The following CDH12 variants were observed in gnomAD, a reference collection of about 807,000 sequenced individuals.
CDH12 encodes the protein cadherin 12.
Under a neutral mutation model 74.1 loss-of-function variants are expected in CDH12, and 41 were observed. That is an observed-to-expected ratio of 0.55 (90% CI 0.43 to 0.72). CDH12 has a LOEUF of 0.72. CDH12 is among the 30% of genes least tolerant of loss of function. CDH12 has a pLI of 0.00. For missense variants in CDH12, 945 were observed against 977.2 expected (o/e 0.97, Z 0.44); for synonymous variants, 399 against 355.0 (o/e 1.12, Z -1.39).
At chr5:21,800,527 C>T (rs1747051805) in intron 10 of CDH12, among the ~76,000 whole-genome samples, 1 of 152,068 alleles carries the variant, frequency 6.6e-6, no homozygotes, top group Non-Finnish European at 1.5e-5. Flanking sequence ...TTCTCTTTCT[C>T]CAGTGTCTGG....
chr5:22,382,800 G>A (rs1741824961), intron 3 of CDH12, among the ~76,000 whole-genome samples: 1 of 149,468 alleles, frequency 6.7e-6, no homozygotes, highest in Admixed American at 6.9e-5. Context: ...AATCGACCTT[G>A]GACTAAATTT....
intron 5 of CDH12, among the ~76,000 whole-genome samples, chr5:22,029,499 A>G (rs1176426947): frequency 2.5e-4 from 38 of 150,714 alleles, no homozygotes; most frequent in Admixed American, 8.6e-4. Flanking sequence ...GCAGCCAAAA[A>G]ACACATGAAA....
chr5:22,317,940 A>G (rs1283684317), intron 3 of CDH12, among the ~76,000 whole-genome samples: 1 of 152,206 alleles, frequency 6.6e-6, no homozygotes, highest in East Asian at 1.9e-4. Context: ...TTAGATAATA[A>G]GTCCCATAAT....
intron 5 of CDH12, among the ~76,000 whole-genome samples, chr5:21,978,593 T>G: frequency 6.6e-6 from 1 of 152,138 alleles, no homozygotes; most frequent in Non-Finnish European, 1.5e-5. Flanking sequence ...AATAAATGAG[T>G]CAAGATTTTT....
At chr5:22,654,851 G>A (rs1241805106) in intron 1 of CDH12, among the ~76,000 whole-genome samples, 4 of 151,102 alleles carry the variant, frequency 2.6e-5, no homozygotes, top group African/African-American at 7.3e-5. Flanking sequence ...GGCTGGTCTC[G>A]AACTCCCGAC....
chr5:22,217,517 T>A (rs1217686976), intron 3 of CDH12, among the ~76,000 whole-genome samples: 3 of 151,776 alleles, frequency 2.0e-5, no homozygotes, highest in Non-Finnish European at 4.4e-5. Context: ...TTTGTAGACA[T>A]AATTGCTTTG....
At chr5:22,582,154 T>C (rs574072191) in intron 1 of CDH12, among the ~76,000 whole-genome samples, 1 of 152,324 alleles carries the variant, frequency 6.6e-6, no homozygotes, top group African/African-American at 2.4e-5. Flanking sequence ...CAAAGAATAC[T>C]TATGCCCTCA....
At chr5:22,255,961 A>C (rs1279570765) in intron 3 of CDH12, among the ~76,000 whole-genome samples, 1 of 151,992 alleles carries the variant, frequency 6.6e-6, no homozygotes, top group South Asian at 2.1e-4. Context: ...CCTTTATTCT[A>C]TTTTGCAGTA....
At chr5:22,273,594 G>T (rs111583218) in intron 3 of CDH12, among the ~76,000 whole-genome samples, 1,996 of 152,238 alleles carry the variant, frequency 0.013, 28 homozygotes, top group Middle Eastern at 0.02. Flanking sequence ...TGATTGATGA[G>T]AACTCTCAGC....
chr5:22,481,578 G>A (rs114285751), intron 2 of CDH12, among the ~76,000 whole-genome samples: 1,865 of 152,298 alleles, frequency 0.012, 28 homozygotes, highest in African/African-American at 0.042. Flanking sequence ...GAAGGACATT[G>A]TTAAGAGAAA....
chr5:22,148,111 C>G (rs373873788), intron 4 of CDH12, among the ~76,000 whole-genome samples: 1 of 152,150 alleles, frequency 6.6e-6, no homozygotes, highest in Non-Finnish European at 1.5e-5. Context: ...CTTTTCTTCA[C>G]GACCACCTAC....
intron 3 of CDH12, among the ~76,000 whole-genome samples, chr5:22,276,043 T>C (rs1391588299): frequency 6.6e-6 from 1 of 152,196 alleles, no homozygotes; most frequent in Admixed American, 6.5e-5. Flanking sequence ...ACCAAATCAA[T>C]TTCTTTTATT....
intron 3 of CDH12, among the ~76,000 whole-genome samples, chr5:22,368,033 A>G (rs888882498): frequency 2.6e-5 from 4 of 152,138 alleles, no homozygotes; most frequent in African/African-American, 9.7e-5. Flanking sequence ...CCACTACTAC[A>G]TGAATAAAAT....
chr5:22,109,559 A>G (rs1316027930), intron 4 of CDH12, among the ~76,000 whole-genome samples: 4 of 152,178 alleles, frequency 2.6e-5, no homozygotes, highest in Non-Finnish European at 5.9e-5. Context: ...ACCAGCATCC[A>G]TGAACCCAGC....
chr5:22,660,188 T>G (rs989773305), intron 1 of CDH12, among the ~76,000 whole-genome samples: 2 of 152,190 alleles, frequency 1.3e-5, no homozygotes. Flanking sequence ...AAAGCAAGCA[T>G]GTATTTATAT....
chr5:22,207,216 C>CAAAAAAAAAAAAA (rs11430414), intron 4 of CDH12, among the ~76,000 whole-genome samples: 4 of 92,300 alleles, frequency 4.3e-5, no homozygotes, highest in African/African-American at 8.2e-5. Flanking sequence ...AAGACTGTCT[C>CAAAAAAAAAAAAA]AAAAAAAAAA....
chr5:22,824,616 A>G (rs1937820616), intron 1 of CDH12, among the ~76,000 whole-genome samples: 1 of 152,180 alleles, frequency 6.6e-6, no homozygotes, highest in East Asian at 1.9e-4. Flanking sequence ...TTAAATAGTC[A>G]GGGATTTTTA....
chr5:21,944,024 AC>A (rs1755458408), intron 6 of CDH12, among the ~76,000 whole-genome samples: 1 of 152,166 alleles, frequency 6.6e-6, no homozygotes, highest in South Asian at 2.1e-4. Context: ...GTATTTATAT[AC>A]CTATAAGAGT....
chr5:21,860,224 T>G (rs1750972072), intron 6 of CDH12, among the ~76,000 whole-genome samples: 1 of 152,094 alleles, frequency 6.6e-6, no homozygotes, highest in African/African-American at 2.4e-5. Context: ...ATCTTCATTT[T>G]CTTTATCATG....
Sources: allele counts gnomAD v4.1 joint callset (sites outside exome capture counted in the v4.1 genomes callset), GRCh38; gene constraint gnomAD v4.1.1; transcripts MANE v1.5; gene names NCBI Gene and HGNC (gene_info 2026-07-23, HGNC 2026-07-21).